The following DDX54 variants were observed in gnomAD, a reference collection of about 807,000 sequenced individuals.
DDX54 encodes the protein ATP-dependent RNA helicase DDX54.
In DDX54, 67 loss-of-function variants were observed where a neutral mutation model predicts 105.5. The observed-to-expected ratio is 0.64, with a 90% CI of 0.52 to 0.78. The LOEUF (loss-of-function observed/expected upper bound fraction) is 0.78. Ranked by LOEUF, DDX54 falls within the 30% of genes least tolerant of loss-of-function variation. The pLI is 0.00. For missense variants in DDX54, 1,206 were observed against 1,230.5 expected (o/e 0.98, Z 0.30); for synonymous variants, 514 against 509.9 (o/e 1.01, Z -0.11).
intron 11 of DDX54, among the ~76,000 whole-genome samples, chr12:113,171,280 A>G (rs564349337): frequency 2.6e-5 from 4 of 152,282 alleles, no homozygotes; most frequent in Admixed American, 6.5e-5. Context: ...ATTTTGTCTG[A>G]CGGATAGAGC....
chr12:113,174,134 G>C (rs922487841), intron 10 of DDX54, among the ~76,000 whole-genome samples: 4 of 151,138 alleles, frequency 2.6e-5, no homozygotes, highest in African/African-American at 9.8e-5. Flanking sequence ...AGCTGAGATC[G>C]TGCCACTGCA....
chr12:113,177,614 C>A (rs1952419281), intron 5 of DDX54, among the ~76,000 whole-genome samples: 1 of 152,154 alleles, frequency 6.6e-6, no homozygotes, highest in African/African-American at 2.4e-5. Context: ...GAATAAATGA[C>A]AATGGAGACA....
chr12:113,174,866 C>T lies in DDX54; in HGVS notation c.936+9G>A, dbSNP rs1203449314. On this transcript the variant is annotated intron_variant, in intron 9 of 19. Transcript: ENST00000306014. ...ACAACCTCCTGGGATGGGACAGGTG[C>T]AGCCTCACCTTCAGCTGCTCGTTGA... is the stretch of plus-strand genomic sequence containing the variant. 8.1e-6 allele frequency: 13 copies of T among 1,613,984 alleles called. No homozygotes were observed. The highest frequency in any genetic ancestry group is 1.1e-5 in the Non-Finnish European group (13 of 1,180,008).
intron 1 of DDX54, 115 bp from the exon 2 acceptor site, chr12:113,181,173 G>A (rs898409968): frequency 2.5e-5 from 32 of 1,277,162 alleles, no homozygotes; most frequent in South Asian, 1.1e-4. Context: ...TGATGCTTCC[G>A]CCAGATCACG....
Position 113,161,912 on chromosome 12 carries a change from T to A in DDX54, c.2281A>T (p.Ser761Cys). 6.2e-7 allele frequency: 1 copy of A among 1,610,234 alleles called. No homozygotes were observed. Among genetic ancestry groups the A allele is most frequent in the Non-Finnish European group, 8.5e-7 (1 of 1,178,520 alleles). Reference sequence around the variant, plus strand: ...GGATACAGGTCTCGCTTGTAGGAGCTGCTGATGTAGCGGCCGCTCTCTGTC... The same window carrying A: ...GGATACAGGTCTCGCTTGTAGGAGCAGCTGATGTAGCGGCCGCTCTCTGTC... ...IKTESGRYIS[S>C]SYKRDLYQKW... The change falls in exon 18 of 20, where the codon AGC becomes TGC. Residue 761 changes from serine (S) to cysteine (C), a missense_variant. Ser to Cys is a moderately radical substitution (Grantham distance 112). Around this residue, in one of 3 missense-constraint regions of DDX54, gnomAD observed 961 missense variants for 1,019.1 expected, o/e 0.94. Coordinates refer to ENST00000306014, the MANE Select transcript of DDX54 (RefSeq NM_024072.4).
intron 12 of DDX54, among the ~76,000 whole-genome samples, chr12:113,166,989 G>A (rs1952285113): frequency 6.6e-6 from 1 of 152,214 alleles, no homozygotes; most frequent in Non-Finnish European, 1.5e-5. Context: ...ACTGTGCTGA[G>A]TCCATCATCA....
At position 113,163,368 on chromosome 12, in the gene DDX54, G is replaced by A; in HGVS notation, c.1939-94C>T. 1 of 1,499,230 alleles carries A rather than the reference G, an allele frequency of 6.7e-7. No homozygotes were observed. Among genetic ancestry groups the A allele is most frequent in the South Asian group, 1.3e-5 (1 of 77,072 alleles). The allele number at this position is 1,499,230 out of a possible 1,614,324, so 92.9% of individuals were successfully genotyped here. On this transcript the variant is annotated intron_variant, in intron 15 of 19. Transcript: ENST00000306014. The surrounding 1 kb of genome is among the most constrained non-coding windows in gnomAD (Gnocchi z 5.9). ...ACCCACCAGCCTGGCCACAGTGAGGGGCCAGTGGCTTCTCGGGGACTTTCA... is the reference window on the plus strand; with the variant it reads ...ACCCACCAGCCTGGCCACAGTGAGGAGCCAGTGGCTTCTCGGGGACTTTCA...
intron 1 of DDX54, among the ~76,000 whole-genome samples, chr12:113,184,366 A>G (rs1315340564): frequency 2.6e-5 from 4 of 152,134 alleles, no homozygotes; most frequent in Non-Finnish European, 4.4e-5. Context: ...ACAGGCGTGT[A>G]GCCACTACAC....
At chr12:113,168,285 C>G (rs1460467906) in intron 12 of DDX54, among the ~76,000 whole-genome samples, 1 of 152,240 alleles carries the variant, frequency 6.6e-6, no homozygotes, top group African/African-American at 2.4e-5. Flanking sequence ...AGAGGGGGCC[C>G]GGAGCTCTGA....
At chr12:113,174,827 G>A (rs537396058) in intron 9 of DDX54, 48 bp downstream of exon 9, 11 of 1,614,186 alleles carry the variant, frequency 6.8e-6, no homozygotes, top group African/African-American at 4.0e-5. Flanking sequence ...AGGGCCTGCA[G>A]GGCCCACCTG....
chr12:113,162,823 G>A (rs1043665518), intron 17 of DDX54, 109 bp downstream of exon 17: 21 of 1,051,920 alleles, frequency 2.0e-5, no homozygotes, highest in South Asian at 8.3e-5. Context: ...CACTCACCCC[G>A]GGCATGGAGG....
chr12:113,161,692 T>C (rs1374424796), intron 18 of DDX54, among the ~76,000 whole-genome samples: 3 of 135,984 alleles, frequency 2.2e-5, no homozygotes, highest in African/African-American at 8.5e-5. Flanking sequence ...CAGGTCCCAC[T>C]AGTTCGAGAT....
At chr12:113,170,737 C>T (rs569176603) in intron 11 of DDX54, among the ~76,000 whole-genome samples, 36 of 152,266 alleles carry the variant, frequency 2.4e-4, no homozygotes, top group African/African-American at 8.4e-4. Context: ...CACACGACAG[C>T]AGCAGAGATG....
intron 1 of DDX54, among the ~76,000 whole-genome samples, chr12:113,181,840 G>A (rs1301385134): frequency 6.6e-6 from 1 of 151,922 alleles, no homozygotes; most frequent in Non-Finnish European, 1.5e-5. Context: ...GGACTACAGG[G>A]CTGTCCCCTT....
At chr12:113,164,851 C>A (rs564129731) in intron 14 of DDX54, among the ~76,000 whole-genome samples, 7 of 151,646 alleles carry the variant, frequency 4.6e-5, no homozygotes, top group African/African-American at 1.5e-4. Context: ...GGCAACATGA[C>A]CTCATCTCTA....
rs148509961 is a variant in DDX54, at chr12:113,161,324, C to A, written c.2359G>T (p.Ala787Ser). The A allele has an allele frequency of 2.5e-6, 4 of 1,613,510 alleles. No homozygotes were observed. Among genetic ancestry groups the A allele is most frequent in the South Asian group, 2.2e-5 (2 of 90,960 alleles). ...IDDRDSDEEG[A>S]SDRRGPERRG... Reference sequence around the variant, plus strand: ...CGCTCTGGGCCTCGCCGGTCAGATGCCCCTTCTTCGTCCGAGTCACGATCA... The same window carrying A: ...CGCTCTGGGCCTCGCCGGTCAGATGACCCTTCTTCGTCCGAGTCACGATCA... Residue 787 changes from alanine (A) to serine (S), a missense_variant, in exon 19 of 20, where the codon GCA becomes TCA. Ala to Ser is a moderately conservative substitution (Grantham distance 99). Around this residue, in one of 3 missense-constraint regions of DDX54, gnomAD observed 961 missense variants for 1,019.1 expected, o/e 0.94. Transcript: ENST00000306014.
chr12:113,179,388 C>A, intron 3 of DDX54, 57 bp from the exon 4 acceptor site: 1 of 1,578,774 alleles, frequency 6.3e-7, no homozygotes. Flanking sequence ...ACCATGTGAT[C>A]CAGAGCTTCA....
chr12:113,161,340 G>C lies in DDX54; in HGVS notation c.2343C>G (p.Asp781Glu). 6.2e-7 allele frequency: 1 copy of C among 1,613,504 alleles called. No individual in the cohort carries two copies. Among genetic ancestry groups the C allele is most frequent in the Non-Finnish European group, 8.5e-7 (1 of 1,179,722 alleles). The change falls in exon 19 of 20, where the codon GAC becomes GAG. Residue 781 changes from aspartate (D) to glutamate (E), a missense_variant. Coordinates refer to ENST00000306014, the MANE Select transcript of DDX54 (RefSeq NM_024072.4). ...WKQKQKIDDR[D>E]SDEEGASDRR... is the part of the protein sequence containing the mutation. ...GGTCAGATGCCCCTTCTTCGTCCGAGTCACGATCATCAATTTTCTGTTTCT... is the reference window on the plus strand; with the variant it reads ...GGTCAGATGCCCCTTCTTCGTCCGACTCACGATCATCAATTTTCTGTTTCT...
chr12:113,171,264 AAGG>A (rs1222502243), intron 11 of DDX54, among the ~76,000 whole-genome samples: 1 of 152,188 alleles, frequency 6.6e-6, no homozygotes, highest in Non-Finnish European at 1.5e-5. Flanking sequence ...GGAGGGGAAT[AAGG>A]AGATTTTGTC....
Sources: allele counts gnomAD v4.1 joint callset (sites outside exome capture counted in the v4.1 genomes callset), GRCh38; gene constraint gnomAD v4.1.1; regional missense constraint gnomAD v4.1.1; non-coding constraint Gnocchi (gnomAD v3.1); transcripts MANE v1.5; gene names NCBI Gene and HGNC (gene_info 2026-07-23, HGNC 2026-07-21).